Variants in SI observed in about 807,000 individuals in gnomAD.
The protein encoded by SI is sucrase-isomaltase, intestinal.
In SI, 235 loss-of-function variants were observed where a neutral mutation model predicts 253.3. That is an observed-to-expected ratio of 0.93 (90% CI 0.83 to 1.03). The LOEUF (loss-of-function observed/expected upper bound fraction) is 1.03. SI is among the 50% of genes least tolerant of loss of function. SI has a pLI of 0.00. For missense variants in SI, 2,442 were observed against 2,211.1 expected (o/e 1.10, Z -2.09); for synonymous variants, 819 against 712.0 (o/e 1.15, Z -2.39).
chr3:165,040,566 A>C (rs1712765550), intron 18 of SI, among the ~76,000 whole-genome samples: 1 of 152,036 alleles, frequency 6.6e-6, no homozygotes, highest in Non-Finnish European at 1.5e-5. Flanking sequence ...AGATACATGC[A>C]AAGATGAGCA....
At chr3:165,040,610 T>A (rs1712768362) in intron 18 of SI, among the ~76,000 whole-genome samples, 1 of 152,084 alleles carries the variant, frequency 6.6e-6, no homozygotes, top group Non-Finnish European at 1.5e-5. Context: ...TATACTCTAC[T>A]CTTGATCTAT....
chr3:165,027,919 A>C (rs764819155), intron 25 of SI, among the ~76,000 whole-genome samples: 2 of 151,412 alleles, frequency 1.3e-5, no homozygotes, highest in African/African-American at 4.8e-5. Context: ...TCAACATAGT[A>C]CTGGAAGTCC....
chr3:165,053,509 A>G (rs1047455956), intron 13 of SI, among the ~76,000 whole-genome samples: 5 of 152,186 alleles, frequency 3.3e-5, no homozygotes, highest in African/African-American at 9.6e-5. Flanking sequence ...CTGTTTATCC[A>G]TGATATATAT....
chr3:165,023,837 A>G, intron 25 of SI, 61 bp from the exon 26 acceptor site: 1 of 1,162,552 alleles, frequency 8.6e-7, no homozygotes, highest in African/African-American at 1.5e-5. Flanking sequence ...TTTACTCTTT[A>G]AAATTATACT....
intron 25 of SI, among the ~76,000 whole-genome samples, chr3:165,030,395 A>G (rs1303937288): frequency 6.6e-6 from 1 of 150,952 alleles, no homozygotes; most frequent in Non-Finnish European, 1.5e-5. Context: ...CCAAACAAGC[A>G]AATCAGCTAC....
intron 2 of SI, 144 bp downstream of exon 2, chr3:165,075,751 G>A: frequency 1.8e-6 from 1 of 566,232 alleles, no homozygotes; most frequent in Non-Finnish European, 3.3e-6. Flanking sequence ...AATAGAAAAA[G>A]TGGAAGTAAT....
the SI span, among the ~76,000 whole-genome samples, chr3:165,083,616 C>A: frequency 6.6e-6 from 1 of 151,964 alleles, no homozygotes; most frequent in Admixed American, 6.6e-5. Context: ...GTTTCATACT[C>A]ATTTAATAAC....
rs767862658 is a variant in SI at position 165,036,490 on chromosome 3, A to C, written c.2427-13T>G. On this transcript the variant is annotated splice_polypyrimidine_tract_variant and intron_variant, in intron 21 of 47. Coordinates refer to ENST00000264382, the MANE Select transcript of SI (RefSeq NM_001041.4). ...AGGATTCTTACGGCTGTTAAGAAAAATTAGGTGCATATATGGTTAAAAATA... is the reference window on the plus strand; with the variant it reads ...AGGATTCTTACGGCTGTTAAGAAAACTTAGGTGCATATATGGTTAAAAATA... 11 of 1,567,312 alleles carry C rather than the reference A, an allele frequency of 7.0e-6. No individual in the cohort carries two copies. Among genetic ancestry groups the C allele is most frequent in the Non-Finnish European group, 9.7e-6 (11 of 1,138,598 alleles).
At chr3:165,058,013 G>C (rs1488750722) in intron 12 of SI, among the ~76,000 whole-genome samples, 1 of 151,028 alleles carries the variant, frequency 6.6e-6, no homozygotes, top group Non-Finnish European at 1.5e-5. Context: ...TATTCTCAAG[G>C]GTAGACCATA....
intron 32 of SI, 75 bp downstream of exon 32, chr3:165,015,877 T>C: frequency 1.5e-6 from 2 of 1,293,940 alleles, no homozygotes; most frequent in East Asian, 2.3e-5. Context: ...TTGAAACATC[T>C]TCCCCCCCAC....
Position 165,030,882 on chromosome 3 carries a change from A to T in SI, c.2737-15T>A. 6.5e-7 allele frequency: 1 copy of T among 1,538,686 alleles called. No individual in the cohort carries two copies. The highest frequency in any genetic ancestry group is 8.7e-7 in the Non-Finnish European group (1 of 1,147,464). On this transcript the variant is annotated splice_polypyrimidine_tract_variant and intron_variant, in intron 24 of 47. Coordinates refer to ENST00000264382, the MANE Select transcript of SI (RefSeq NM_001041.4). ...ATTAGGAGAACCTTTGAAGACAAAA[A>T]AAAAAAAAGAAAAAAAGAAAAAAAA...
chr3:165,006,757 T>C (rs951497926), intron 37 of SI, 59 bp downstream of exon 37: 80 of 1,463,226 alleles, frequency 5.5e-5, no homozygotes, highest in Non-Finnish European at 7.5e-5. Context: ...AATGATAACA[T>C]TAAATGTAAG....
At chr3:165,030,891 G>GAAAAAA (rs748323674) in intron 24 of SI, 24 bp from the exon 25 acceptor site, 2 of 1,199,930 alleles carry the variant, frequency 1.7e-6, no homozygotes, top group South Asian at 1.9e-5. Context: ...AAAAAAAAAA[G>GAAAAAA]AAAAAAAGAA....
At position 165,006,899 on chromosome 3, in the gene SI, C is replaced by T; in HGVS notation, c.4323G>A (p.Glu1441=). 1 of 1,612,120 alleles carries T rather than the reference C, an allele frequency of 6.2e-7. No homozygotes were observed. The highest frequency in any genetic ancestry group is 8.5e-7 in the Non-Finnish European group (1 of 1,178,440). Residue 1441 remains glutamate (E), a synonymous_variant, in exon 37 of 48, where the codon GAG becomes GAA. Coordinates refer to ENST00000264382, the MANE Select transcript of SI (RefSeq NM_001041.4). ...CTGATGTTCCATCACTAAGAATCTGCTCAGCTTCCATGCAAATTGTTCTGA... is the reference window on the plus strand; with the variant it reads ...CTGATGTTCCATCACTAAGAATCTGTTCAGCTTCCATGCAAATTGTTCTGA... ...LHFRTICMEA[E]QILSDGTSVL...
rs1713144965 is a variant in SI at position 165,046,892 on chromosome 3, C to T, written c.1836G>A (p.Met612Ile). The T allele has an allele frequency of 6.2e-7, 1 of 1,613,246 alleles. No individual in the cohort carries two copies. The highest frequency in any genetic ancestry group is 1.7e-4 in the Middle Eastern group (1 of 6,052). Residue 612 changes from methionine (M) to isoleucine (I), a missense_variant, in exon 16 of 48, where the codon ATG (methionine) becomes ATA (isoleucine). Physicochemically the swap from Met to Ile is conservative, Grantham distance 10. Coordinates refer to ENST00000264382, the MANE Select transcript of SI (RefSeq NM_001041.4). ...CCAGCATTCCAGTTATAGACCATTC[C>T]ATTTGTTCCCATGAAGCAGTATTGT... ...LGDNTASWEQ[M>I]EWSITGMLEF...
In SI at chr3:165,057,750, T is replaced by C. The variant is rs1576914551; in HGVS notation, c.1398+1213A>G. ...CTTAGTAGACTACATCCAGTGAAAA[T>C]ATCCTTCAAACATGGAAAAGAAATA... On this transcript the variant is annotated intron_variant, in intron 12 of 47. Coordinates refer to ENST00000264382, the MANE Select transcript of SI (RefSeq NM_001041.4). Among the ~76,000 whole-genome samples, 3 of 146,714 alleles carry C rather than the reference T, an allele frequency of 2.0e-5. No homozygotes were observed. In the Middle Eastern group the frequency reaches 0.011, roughly 532 times the overall value.
chr3:165,053,136 G>A (rs539823466), intron 13 of SI, among the ~76,000 whole-genome samples: 46 of 151,646 alleles, frequency 3.0e-4, no homozygotes, highest in African/African-American at 1.1e-3. Context: ...AAGTACAGTA[G>A]GCTTTTGTTT....
chr3:164,996,251 GC>G (rs767047873), intron 40 of SI, among the ~76,000 whole-genome samples: 10 of 151,646 alleles, frequency 6.6e-5, no homozygotes, highest in Non-Finnish European at 1.5e-4. Flanking sequence ...TCCATCATGC[GC>G]ATTTTGCTAA....
At chr3:164,998,749 G>A in intron 37 of SI, 76 bp from the exon 38 acceptor site, 1 of 1,246,742 alleles carries the variant, frequency 8.0e-7, no homozygotes, top group Non-Finnish European at 1.2e-6. Flanking sequence ...CGACTACTTT[G>A]TAAAAAAAAA....
Sources: gnomAD v4.1 joint callset for allele counts (sites outside exome capture counted in the v4.1 genomes callset) on GRCh38, gnomAD v4.1.1 for gene constraint, MANE v1.5 for transcripts, NCBI Gene and HGNC (gene_info 2026-07-23, HGNC 2026-07-21) for gene names.